The following SARAF variants were observed in gnomAD, a reference collection of about 807,000 sequenced individuals.
SARAF encodes the protein store-operated calcium entry-associated regulatory factor.
A neutral mutation model predicts 39.7 loss-of-function variants in SARAF; 23 were observed. That is an observed-to-expected ratio of 0.58 (90% CI 0.42 to 0.82). The LOEUF (loss-of-function observed/expected upper bound fraction) is 0.82, where lower values mean the gene tolerates loss of function less well. Ranked by LOEUF, SARAF falls within the 40% of genes least tolerant of loss-of-function variation. The pLI is 0.00. For missense variants in SARAF, 384 were observed against 418.5 expected (o/e 0.92, Z 0.72); for synonymous variants, 175 against 168.5 (o/e 1.04, Z -0.30).
intron 2 of SARAF, among the ~76,000 whole-genome samples, chr8:30,070,472 G>C (rs910039008): frequency 6.6e-6 from 1 of 152,158 alleles, no homozygotes; most frequent in Non-Finnish European, 1.5e-5. Context: ...GCAAGGGAAT[G>C]ATCCGCAAAA....
In SARAF at chr8:30,069,537, A is replaced by T. The variant is rs1330112899; in HGVS notation, c.700+105T>A. 74 of 1,169,750 alleles carry T rather than the reference A, an allele frequency of 6.3e-5. No individual in the cohort carries two copies. The South Asian group carries it at 9.9e-4, about 16-fold the overall frequency. The allele number at this position is 1,169,750 out of a possible 1,614,324, so 72.5% of individuals were successfully genotyped here. ...AGTAAAAAACAAAATGAGAAGACAA[A>T]CCTCCTTTGGTTTCCCAATGCAACG... On this transcript the variant is annotated intron_variant, in intron 3 of 5. Transcript: ENST00000256255.
At chr8:30,064,561 A>ATATTTTT (rs1423689069) in intron 5 of SARAF, among the ~76,000 whole-genome samples, 1 of 46,228 alleles carries the variant, frequency 2.2e-5, no homozygotes, top group Non-Finnish European at 3.4e-5. Context: ...ATATATATAT[A>ATATTTTT]TTTTTTTTTT....
At chr8:30,067,339 T>A (rs529713481) in intron 3 of SARAF, among the ~76,000 whole-genome samples, 2 of 152,328 alleles carry the variant, frequency 1.3e-5, no homozygotes, top group African/African-American at 4.8e-5. Flanking sequence ...TTGTGTCAGT[T>A]GGGAAGTCAG....
chr8:30,067,171 T>C, intron 3 of SARAF: 1 of 413,662 alleles, frequency 2.4e-6, no homozygotes, highest in East Asian at 4.5e-5. Context: ...TAAAATGACA[T>C]CTGCCCTGCT....
chr8:30,063,851 A>C lies in SARAF; in HGVS notation c.*37T>G. 6.2e-7 allele frequency: 1 copy of C among 1,606,818 alleles called. No individual in the cohort carries two copies. The highest frequency in any genetic ancestry group is 8.5e-7 in the Non-Finnish European group (1 of 1,173,682). ...AAAGAGAAAGTGATGAAAAATCCAAAATTTCTGCATCCAGTGTTTGACTCC... is the reference window on the plus strand; with the variant it reads ...AAAGAGAAAGTGATGAAAAATCCAACATTTCTGCATCCAGTGTTTGACTCC... On this transcript the variant is annotated 3_prime_UTR_variant, in exon 6 of 6. Coordinates refer to ENST00000256255, the MANE Select transcript of SARAF (RefSeq NM_016127.6).
At chr8:30,063,955 G>C in intron 5 of SARAF, 42 bp from the exon 6 acceptor site, 3 of 1,503,182 alleles carry the variant, frequency 2.0e-6, no homozygotes, top group Non-Finnish European at 2.8e-6. Context: ...TTTTAAAAAT[G>C]CATTAGAATT....
At position 30,066,868 on chromosome 8, in the gene SARAF, TAAA is replaced by T. The variant is rs1274370637; in HGVS notation, c.748_750del (p.Phe250del). ...GAATTTTCATATCCTTGTTGTCCTG[TAAA>T]AGCACTGCCAAAACCAGAAGTTGCA... On this transcript the variant is annotated inframe_deletion, in exon 4 of 6. Coordinates refer to ENST00000256255, the MANE Select transcript of SARAF (RefSeq NM_016127.6). 1 of 1,614,068 alleles carries T rather than the reference TAAA, an allele frequency of 6.2e-7. No homozygotes were observed.
chr8:30,073,143 C>G (rs906751230), intron 2 of SARAF, among the ~76,000 whole-genome samples: 2 of 152,118 alleles, frequency 1.3e-5, no homozygotes, highest in Non-Finnish European at 2.9e-5. Flanking sequence ...GCAAAGACCA[C>G]GCATAAAGGT....
At chr8:30,069,474 T>G (rs1801778024) in intron 3 of SARAF, among the ~76,000 whole-genome samples, 168 bp downstream of exon 3, 1 of 151,818 alleles carries the variant, frequency 6.6e-6, no homozygotes, top group African/African-American at 2.4e-5. Flanking sequence ...CAATATACCT[T>G]GGGAGAGAGC....
Position 30,063,421 on chromosome 8 carries a change from G to A in SARAF, c.*467C>T, listed in dbSNP as rs1325215065. 1 of 156,630 alleles carries A rather than the reference G, an allele frequency of 6.4e-6. No individual in the cohort carries two copies. The highest frequency in any genetic ancestry group is 3.3e-3 in the Middle Eastern group (1 of 302). The allele number at this position is 156,630 out of a possible 1,614,324, so 9.7% of individuals were successfully genotyped here. A position where few individuals can be genotyped will look rare whatever the true frequency, so the allele number is the denominator to read the frequency against. ...CAGAACTCACAAATTAGCATAATTA[G>A]TCCAAAGCTTGATTTAAATGTTTGA... On this transcript the variant is annotated 3_prime_UTR_variant, in exon 6 of 6. Transcript: ENST00000256255.
intron 4 of SARAF, 57 bp downstream of exon 4, chr8:30,066,720 T>C (rs1235560499): frequency 1.3e-6 from 2 of 1,572,800 alleles, no homozygotes; most frequent in South Asian, 1.1e-5. Context: ...AGTTAAATTG[T>C]AAGCAAAACA....
At chr8:30,076,829 C>T (rs1029533788) in intron 1 of SARAF, among the ~76,000 whole-genome samples, 3 of 152,158 alleles carry the variant, frequency 2.0e-5, no homozygotes, top group Admixed American at 2.0e-4. Flanking sequence ...CAGATGCTAG[C>T]ACCTTAATAT....
At chr8:30,071,995 C>G (rs1407173611) in intron 2 of SARAF, among the ~76,000 whole-genome samples, 1 of 152,164 alleles carries the variant, frequency 6.6e-6, no homozygotes, top group Non-Finnish European at 1.5e-5. Flanking sequence ...CTGAGGCATA[C>G]ATGGTAACTC....
intron 3 of SARAF, among the ~76,000 whole-genome samples, chr8:30,069,387 A>C (rs1325016260): frequency 6.6e-6 from 1 of 151,868 alleles, no homozygotes; most frequent in Non-Finnish European, 1.5e-5. Context: ...TGATCTGCCC[A>C]CCCCGGCCTC....
chr8:30,081,788 A>G (rs1802104976), intron 1 of SARAF, among the ~76,000 whole-genome samples: 1 of 152,032 alleles, frequency 6.6e-6, no homozygotes, highest in African/African-American at 2.4e-5. Context: ...TATTACATGG[A>G]AAAAGTCAAA....
intron 1 of SARAF, among the ~76,000 whole-genome samples, chr8:30,077,195 C>T (rs1031121108): frequency 3.3e-5 from 5 of 152,188 alleles, no homozygotes; most frequent in African/African-American, 1.2e-4. Flanking sequence ...GTGGCTCATG[C>T]CTGTAATCCC....
intron 4 of SARAF, 25 bp from the exon 5 acceptor site, chr8:30,066,164 G>A: frequency 6.4e-7 from 1 of 1,551,808 alleles, no homozygotes; most frequent in Non-Finnish European, 8.8e-7. Context: ...AAGTAGGTTA[G>A]GCATTTTTTT....
chr8:30,073,356 G>A (rs1801886912), intron 2 of SARAF, among the ~76,000 whole-genome samples: 2 of 152,174 alleles, frequency 1.3e-5, no homozygotes, highest in South Asian at 2.1e-4. Context: ...GAGATGCTCT[G>A]CTCGTATACA....
chr8:30,066,708 G>A (rs1801700249), intron 4 of SARAF, 69 bp downstream of exon 4: 1 of 1,552,460 alleles, frequency 6.4e-7, no homozygotes, highest in Non-Finnish European at 8.8e-7. Context: ...AAAACTAAAT[G>A]CAGTTAAATT....
Sources: allele counts gnomAD v4.1 joint callset (sites outside exome capture counted in the v4.1 genomes callset), GRCh38; gene constraint gnomAD v4.1.1; transcripts MANE v1.5; gene names NCBI Gene and HGNC (gene_info 2026-07-23, HGNC 2026-07-21).